The following FRMD4A variants were observed in gnomAD, a reference collection of about 807,000 sequenced individuals.
FRMD4A encodes the protein FERM domain-containing protein 4A.
A neutral mutation model predicts 129.1 loss-of-function variants in FRMD4A; 29 were observed. The ratio of observed to expected loss-of-function variants is 0.22; its 90% CI spans 0.17 to 0.31. The LOEUF (loss-of-function observed/expected upper bound fraction) is 0.31, where lower values mean the gene tolerates loss of function less well. Among genes scored for constraint, FRMD4A ranks in the 10% least tolerant of loss-of-function variants. The probability of loss-of-function intolerance (pLI) is 1.00; values close to 1 mark genes in which losing one functional copy is unlikely to be tolerated. For synonymous variants in FRMD4A, 634 were observed against 571.6 expected (o/e 1.11, Z -1.56); for missense variants, 1,272 against 1,375.8 (o/e 0.92, Z 1.19).
intron 16 of FRMD4A, among the ~76,000 whole-genome samples, chr10:13,673,122 G>C (rs1377168880): frequency 6.6e-6 from 1 of 152,088 alleles, no homozygotes; most frequent in African/African-American, 2.4e-5. Context: ...ACAAAACAAG[G>C]CTTTCCAAAT....
rs1167487337 is a variant in FRMD4A, at chr10:13,971,823, A to G, written c.46-112911T>C. 4 of 1,304,064 alleles carry G rather than the reference A, an allele frequency of 3.1e-6. No homozygotes were observed. The Admixed American group carries it at 6.9e-5, about 22-fold the overall frequency. 80.8% of individuals were successfully genotyped at this position (1,304,064 alleles called of 1,614,324 possible). Reference sequence around the variant, plus strand: ...ATGCCAGCCCCAGACTCTGCCGCCAACCCTCTGGTCCCTGGCCCCACATCC... The same window carrying G: ...ATGCCAGCCCCAGACTCTGCCGCCAGCCCTCTGGTCCCTGGCCCCACATCC... On this transcript the variant is annotated intron_variant, in intron 2 of 24. Transcript: ENST00000357447.
intron 13 of FRMD4A, among the ~76,000 whole-genome samples, chr10:13,704,060 T>C (rs146510930): frequency 6.6e-6 from 1 of 152,258 alleles, no homozygotes; most frequent in Non-Finnish European, 1.5e-5. Context: ...ATACCCCACG[T>C]ACCCTGCCTT....
chr10:14,171,652 A>T (rs1191464923), intron 2 of FRMD4A, among the ~76,000 whole-genome samples: 15 of 152,370 alleles, frequency 9.8e-5, no homozygotes, highest in Middle Eastern at 3.4e-3. Context: ...ATCCCAAGAT[A>T]AAAATGCATT....
At chr10:13,975,872 C>T (rs1225665232) in intron 2 of FRMD4A, among the ~76,000 whole-genome samples, 3 of 152,204 alleles carry the variant, frequency 2.0e-5, no homozygotes, top group Admixed American at 2.0e-4. Flanking sequence ...CACCAGGGCT[C>T]ACCAGGTGAA....
chr10:13,744,125 T>A (rs2091165416), intron 9 of FRMD4A, among the ~76,000 whole-genome samples: 1 of 152,108 alleles, frequency 6.6e-6, no homozygotes, highest in African/African-American at 2.4e-5. Context: ...GATGGTGATA[T>A]GATATGGTTC....
In FRMD4A at chr10:13,762,480, A is replaced by G. The variant is rs1322714408; in HGVS notation, c.441+144T>C. On this transcript the variant is annotated intron_variant, in intron 7 of 24. Coordinates refer to ENST00000357447, the MANE Select transcript of FRMD4A (RefSeq NM_018027.5). ...TGCTATGGTTTCCGTCAGTGTCTCTAATAGCTCTATGCAGCTTGTGGCTAA... is the reference window on the plus strand; with the variant it reads ...TGCTATGGTTTCCGTCAGTGTCTCTGATAGCTCTATGCAGCTTGTGGCTAA... 3 of 593,666 alleles carry G rather than the reference A, an allele frequency of 5.1e-6. No homozygotes were observed. The Admixed American group carries it at 9.6e-5, about 19-fold the overall frequency. The allele number at this position is 593,666 out of a possible 1,614,324, so 36.8% of individuals were successfully genotyped here.
intron 6 of FRMD4A, among the ~76,000 whole-genome samples, chr10:13,770,298 G>T (rs1230525101): frequency 6.6e-6 from 1 of 152,072 alleles, no homozygotes; most frequent in African/African-American, 2.4e-5. Flanking sequence ...AATGATCCAC[G>T]AGGTGAATGC....
chr10:13,769,589 C>T (rs770840211), intron 6 of FRMD4A, among the ~76,000 whole-genome samples: 12 of 152,106 alleles, frequency 7.9e-5, no homozygotes, highest in Non-Finnish European at 5.9e-5. Flanking sequence ...GGATTACAGG[C>T]ATGAGCCACT....
At chr10:14,324,010 A>G (rs1431723097) in intron 2 of FRMD4A, among the ~76,000 whole-genome samples, 1 of 152,206 alleles carries the variant, frequency 6.6e-6, no homozygotes, top group African/African-American at 2.4e-5. Flanking sequence ...GCCACCATGC[A>G]AAGTCCTTGA....
chr10:13,890,730 G>T (rs2094685488), intron 2 of FRMD4A: 2 of 985,282 alleles, frequency 2.0e-6, no homozygotes, highest in South Asian at 9.4e-5. Flanking sequence ...ATCCATTCAT[G>T]GTGGGGTCAG....
At chr10:14,096,076 C>T (rs1041509626) in intron 2 of FRMD4A, among the ~76,000 whole-genome samples, 1 of 152,186 alleles carries the variant, frequency 6.6e-6, no homozygotes, top group Non-Finnish European at 1.5e-5. Flanking sequence ...AGGTTGTTCC[C>T]CTCCAAAATT....
intron 2 of FRMD4A, among the ~76,000 whole-genome samples, chr10:14,257,003 C>G (rs1302301387): frequency 6.6e-6 from 1 of 152,024 alleles, no homozygotes; most frequent in African/African-American, 2.4e-5. Flanking sequence ...TAACCAGATA[C>G]CATACTCCAA....
At chr10:13,898,217 A>G (rs1372318520) in intron 2 of FRMD4A, among the ~76,000 whole-genome samples, 1 of 152,118 alleles carries the variant, frequency 6.6e-6, no homozygotes, top group Non-Finnish European at 1.5e-5. Context: ...TACTAAAAAT[A>G]TAAAAGTCAG....
intron 2 of FRMD4A, among the ~76,000 whole-genome samples, chr10:14,147,695 C>T (rs1361467700): frequency 8.5e-5 from 13 of 152,214 alleles, no homozygotes; most frequent in African/African-American, 3.1e-4. Context: ...CGCTGCTGAT[C>T]TGACAGGAGG....
At chr10:14,099,483 C>T (rs1837185013) in intron 2 of FRMD4A, among the ~76,000 whole-genome samples, 1 of 152,218 alleles carries the variant, frequency 6.6e-6, no homozygotes, top group Admixed American at 6.5e-5. Flanking sequence ...TCCAGAACCC[C>T]TGCCTATGTC....
intron 5 of FRMD4A, among the ~76,000 whole-genome samples, chr10:13,792,181 G>T (rs1588743273): frequency 1.3e-5 from 2 of 152,320 alleles, no homozygotes; most frequent in Non-Finnish European, 2.9e-5. Context: ...CCTGGCGGTG[G>T]CTCTGTCACT....
intron 2 of FRMD4A, among the ~76,000 whole-genome samples, chr10:14,184,096 C>A (rs1841994520): frequency 6.7e-6 from 1 of 149,796 alleles, no homozygotes; most frequent in African/African-American, 2.5e-5. Flanking sequence ...CATCTTAACA[C>A]ATTTCCTTTT....
chr10:13,788,020 A>G (rs2092910725), intron 5 of FRMD4A, among the ~76,000 whole-genome samples: 1 of 152,200 alleles, frequency 6.6e-6, no homozygotes, highest in African/African-American at 2.4e-5. Flanking sequence ...CTGGGTAACC[A>G]GGGAAATAAA....
At chr10:13,940,123 C>A (rs900844274) in intron 2 of FRMD4A, among the ~76,000 whole-genome samples, 5 of 151,834 alleles carry the variant, frequency 3.3e-5, no homozygotes, top group African/African-American at 4.8e-5. Context: ...GGGCACAAAC[C>A]CTTTCAGTTT....
Sources: gnomAD v4.1 joint callset for allele counts (sites outside exome capture counted in the v4.1 genomes callset) on GRCh38, gnomAD v4.1.1 for gene constraint, MANE v1.5 for transcripts, NCBI Gene and HGNC (gene_info 2026-07-23, HGNC 2026-07-21) for gene names.